RPRD2: variants seen among roughly 807,000 people sequenced by gnomAD.
RPRD2 encodes regulation of nuclear pre-mRNA domain containing 2, also known as regulation of nuclear pre-mRNA domain-containing protein 2.
Under a neutral mutation model 104.4 loss-of-function variants are expected in RPRD2, and 12 were observed. The observed-to-expected ratio is 0.11, with a 90% CI of 0.07 to 0.19. The LOEUF is 0.19. Ranked by LOEUF, RPRD2 falls within the 10% of genes least tolerant of loss-of-function variation. The probability of loss-of-function intolerance (pLI) is 1.00; values close to 1 mark genes in which losing one functional copy is unlikely to be tolerated. For missense variants in RPRD2, 1,543 were observed against 1,790.1 expected (o/e 0.86, Z 2.49); for synonymous variants, 714 against 684.9 (o/e 1.04, Z -0.66).
At position 150,470,679 on chromosome 1, in the gene RPRD2, T is replaced by C. The variant is rs779436488; in HGVS notation, c.1731T>C (p.Asn577=). The stretch of plus-strand genomic sequence containing the variant: ...CAGTCTCTACCATAAAGGGAAGAAA[T>C]CTGCCCTCCAGTGCCCAACCTTTTA... The part of the protein sequence containing the change: ...NTTVSTIKGR[N]LPSSAQPFIP... Residue 577 remains asparagine, a synonymous_variant, in exon 11 of 11, where the codon AAT becomes AAC. Transcript: ENST00000369068. 1.2e-6 allele frequency: 2 copies of C among 1,614,026 alleles called. No individual in the cohort carries two copies. Among genetic ancestry groups the C allele is most frequent in the South Asian group, 2.2e-5 (2 of 91,088 alleles).
At chr1:150,448,748 C>T (rs1401097058) in intron 7 of RPRD2, among the ~76,000 whole-genome samples, 1 of 152,152 alleles carries the variant, frequency 6.6e-6, no homozygotes, top group Non-Finnish European at 1.5e-5. Context: ...CCCTTTTCCC[C>T]CTGGGTCCTC....
chr1:150,423,950 G>A (rs936895878), intron 2 of RPRD2, among the ~76,000 whole-genome samples: 1 of 151,744 alleles, frequency 6.6e-6, no homozygotes, highest in Admixed American at 6.6e-5. Context: ...GCGCCACCAC[G>A]CCTGGCTAAT....
In RPRD2 at chr1:150,471,125, G is replaced by A. The variant is rs1421836807; in HGVS notation, c.2177G>A (p.Arg726Gln). 15 of 1,613,866 alleles carry A rather than the reference G, an allele frequency of 9.3e-6. No individual in the cohort carries two copies. The highest frequency in any genetic ancestry group is 1.2e-5 in the Non-Finnish European group (14 of 1,179,878). ...GACAACATTGATGGAACCCCTGTAC[G>A]GGATGAACGGAGTGGGACACCCACC... ...SIDNIDGTPV[R>Q]DERSGTPTQD... The change falls in exon 11 of 11, where the codon CGG becomes CAG. Residue 726 changes from arginine to glutamine, a missense_variant. Arg to Gln is a conservative substitution (Grantham distance 43). Around this residue, in one of 4 missense-constraint regions of RPRD2, gnomAD observed 572 missense variants for 787.3 expected, o/e 0.73. Coordinates refer to ENST00000369068, the MANE Select transcript of RPRD2 (RefSeq NM_015203.5). This position sits in a 1 kb window ranked among gnomAD's most constrained non-coding sequence, Gnocchi z 5.3.
At chr1:150,443,392 G>A in intron 5 of RPRD2, 109 bp downstream of exon 5, 1 of 814,666 alleles carries the variant, frequency 1.2e-6, no homozygotes, top group Non-Finnish European at 1.9e-6. Context: ...CACATGTCAT[G>A]TTTTAAACAT....
chr1:150,387,766 A>G (rs1553882210), intron 1 of RPRD2, among the ~76,000 whole-genome samples: 1 of 149,424 alleles, frequency 6.7e-6, no homozygotes, highest in Non-Finnish European at 1.5e-5. Context: ...TAATTTTTGC[A>G]TTTTTAGTAG....
At chr1:150,441,707 G>A (rs1428376219) in intron 3 of RPRD2, 174 bp from the exon 4 acceptor site, 3 of 479,702 alleles carry the variant, frequency 6.3e-6, no homozygotes, top group Non-Finnish European at 1.1e-5. Flanking sequence ...TTATTTGACA[G>A]CTTCTTAGAT....
chr1:150,473,337 G>T lies in RPRD2; in HGVS notation c.*3G>T, dbSNP rs587687687. ...CATTCTTCCCTCCCAGGTACTGATG[G>T]AAACCAAGGGAAAGGCATTTTGAAC... On this transcript the variant is annotated 3_prime_UTR_variant, in exon 11 of 11. Coordinates refer to ENST00000369068, the MANE Select transcript of RPRD2 (RefSeq NM_015203.5). 1.1e-4 allele frequency: 174 copies of T among 1,600,010 alleles called. 1 individual carries two copies. The South Asian group carries it at 1.4e-3, about 13-fold the overall frequency.
At chr1:150,374,725 C>T (rs782579185) in intron 1 of RPRD2, among the ~76,000 whole-genome samples, 5 of 152,312 alleles carry the variant, frequency 3.3e-5, no homozygotes, top group African/African-American at 1.2e-4. Context: ...GTAGGAAAAG[C>T]ACTTTTAAGT....
At chr1:150,388,338 GTA>G (rs1338282297) in intron 1 of RPRD2, among the ~76,000 whole-genome samples, 1 of 148,724 alleles carries the variant, frequency 6.7e-6, no homozygotes, top group Non-Finnish European at 1.5e-5. Context: ...ATATACATGT[GTA>G]TATACACACA....
At chr1:150,439,350 G>C (rs1553893871) in intron 2 of RPRD2, among the ~76,000 whole-genome samples, 1 of 152,064 alleles carries the variant, frequency 6.6e-6, no homozygotes, top group East Asian at 1.9e-4. Context: ...CCACAATAAA[G>C]CAAATATTGC....
At chr1:150,382,891 G>A (rs1164784655) in intron 1 of RPRD2, among the ~76,000 whole-genome samples, 7 of 152,172 alleles carry the variant, frequency 4.6e-5, no homozygotes, top group Non-Finnish European at 8.8e-5. Context: ...TCACCACGTT[G>A]CCCAGGCTGG....
rs779900696 is a variant in RPRD2 at position 150,473,082 on chromosome 1, C to G, written c.4134C>G (p.His1378Gln). 31 of 1,613,916 alleles carry G rather than the reference C, an allele frequency of 1.9e-5. No homozygotes were observed. The highest frequency in any genetic ancestry group is 2.5e-5 in the Non-Finnish European group (30 of 1,179,906). Reference sequence around the variant, plus strand: ...CCCTACCCTCCCATTCTCTGGAACACCTGGGCCCACCCCATGGAGGAGGAG... The same window carrying G: ...CCCTACCCTCCCATTCTCTGGAACAGCTGGGCCCACCCCATGGAGGAGGAG... ...SLTLPSHSLE[H>Q]LGPPHGGGGG... Residue 1378 changes from histidine (H) to glutamine (Q), a missense_variant, in exon 11 of 11, where the codon CAC becomes CAG. Coordinates refer to ENST00000369068, the MANE Select transcript of RPRD2 (RefSeq NM_015203.5).
chr1:150,421,756 C>T (rs1369646256), intron 2 of RPRD2, among the ~76,000 whole-genome samples: 3 of 151,932 alleles, frequency 2.0e-5, no homozygotes, highest in African/African-American at 7.3e-5. Context: ...GTGGGAGGAT[C>T]ACTTGAGGCC....
chr1:150,408,893 G>C (rs1315355979), intron 1 of RPRD2: 1 of 152,114 alleles, frequency 6.6e-6, no homozygotes, highest in Admixed American at 6.5e-5. Flanking sequence ...TAATGAAAAT[G>C]AATCTTTTTC....
intron 1 of RPRD2, among the ~76,000 whole-genome samples, chr1:150,388,693 G>A (rs1441771406): frequency 3.4e-5 from 5 of 147,934 alleles, no homozygotes; most frequent in Admixed American, 6.9e-5. Flanking sequence ...TGCAACCTCC[G>A]CCTCCTGGGT....
chr1:150,391,079 A>G (rs1398016528), intron 1 of RPRD2, among the ~76,000 whole-genome samples: 2 of 152,194 alleles, frequency 1.3e-5, no homozygotes, highest in Non-Finnish European at 2.9e-5. Flanking sequence ...AGATCATGAA[A>G]TGCAAATTGA....
At chr1:150,371,914 G>GT (rs1234005157) in intron 1 of RPRD2, among the ~76,000 whole-genome samples, 2 of 151,458 alleles carry the variant, frequency 1.3e-5, no homozygotes, top group Admixed American at 1.3e-4. Flanking sequence ...TGTGTTTTTT[G>GT]TTTTTTTCCC....
chr1:150,385,427 T>C (rs1475374440), intron 1 of RPRD2, among the ~76,000 whole-genome samples: 2 of 152,094 alleles, frequency 1.3e-5, no homozygotes, highest in African/African-American at 4.8e-5. Context: ...TGAGCCATGA[T>C]TGTGCCACTG....
chr1:150,460,388 T>TG lies in RPRD2; in HGVS notation c.1411+78dup, dbSNP rs1553898587. The TG allele has an allele frequency of 1.2e-5, 17 of 1,405,980 alleles. No individual in the cohort carries two copies. In the East Asian group the frequency reaches 1.7e-4, roughly 14 times the overall value. 87.1% of individuals were successfully genotyped at this position (1,405,980 alleles called of 1,614,324 possible). ...TTAAATTGAATCATTAATCTGTTTT[T>TG]GGGGGGGTTGTTGTTGTTGTTGTTG... On this transcript the variant is annotated intron_variant, in intron 9 of 10. Coordinates refer to ENST00000369068, the MANE Select transcript of RPRD2 (RefSeq NM_015203.5).
Sources: gnomAD v4.1 joint callset for allele counts (sites outside exome capture counted in the v4.1 genomes callset) on GRCh38, gnomAD v4.1.1 for gene constraint, gnomAD v4.1.1 regional missense constraint, Gnocchi (gnomAD v3.1) non-coding constraint, MANE v1.5 for transcripts, NCBI Gene and HGNC (gene_info 2026-07-23, HGNC 2026-07-21) for gene names.